Variants in IRX5 observed in about 807,000 individuals in gnomAD.
IRX5 encodes iroquois-class homeodomain protein IRX-5.
Under a neutral mutation model 37.6 loss-of-function variants are expected in IRX5, and 8 were observed. The observed-to-expected ratio is 0.21, with a 90% confidence interval of 0.12 to 0.38. The LOEUF (loss-of-function observed/expected upper bound fraction) is 0.38, where lower values mean the gene tolerates loss of function less well. Ranked by LOEUF, IRX5 falls within the 10% of genes least tolerant of loss-of-function variation. The pLI is 1.00. For missense variants in IRX5, 635 were observed against 695.2 expected, an observed-to-expected ratio of 0.91 and a Z score of 0.97; for synonymous variants, 359 against 328.6, an observed-to-expected ratio of 1.09 and a Z score of -1.00.
At chr16:54,931,544 TC>T in intron 1 of IRX5, 97 bp downstream of exon 1, 1 of 1,390,514 alleles carries the variant, frequency 7.2e-7, no homozygotes, top group Non-Finnish European at 9.4e-7. Flanking sequence ...AACACCGACC[TC>T]CCCCGCCAAG....
intron 1 of IRX5, 74 bp downstream of exon 1, chr16:54,931,521 G>C (rs1596761533): frequency 2.1e-6 from 3 of 1,439,430 alleles, no homozygotes; most frequent in East Asian, 2.5e-5. Context: ...AGGGGGACAC[G>C]GGCCTAGGCG....
Position 54,933,573 on chromosome 16 carries a change from C to G in IRX5, c.1152C>G (p.Arg384=), listed in dbSNP as rs746931412. 6.2e-7 allele frequency: 1 copy of G among 1,608,854 alleles called. No homozygotes were observed. The highest frequency in any genetic ancestry group is 1.1e-5 in the South Asian group (1 of 90,464). Residue 384 remains arginine (R), a synonymous_variant, in exon 3 of 3, where the codon CGC becomes CGG. Transcript: ENST00000394636. ...CGTCGCCGGCCCCGGCGCCGTCACG[C>G]TCGCCCTCGGCGCAGTGTCCTTTTC... is the stretch of plus-strand genomic sequence containing the variant. ...SRASPAPAPS[R]SPSAQCPFPG... is the part of the protein sequence containing the mutation.
rs1277535659 is a variant in IRX5 at position 54,932,023 on chromosome 16, C to T, written c.250-475C>T. 4 of 699,706 alleles carry T rather than the reference C, an allele frequency of 5.7e-6. No homozygotes were observed. The highest frequency in any genetic ancestry group is 1.0e-5 in the Non-Finnish European group (4 of 383,248). The allele number at this position is 699,706 out of a possible 1,614,324, so 43.3% of individuals were successfully genotyped here. ...TTTTTGGAGGGTGGGAGTGCGTGGG[C>T]ATGGCTCAGCTTTTTGTTTGCATTT... On this transcript the variant is annotated intron_variant, in intron 1 of 2. Coordinates refer to ENST00000394636, the MANE Select transcript of IRX5 (RefSeq NM_005853.6). This position sits in a 1 kb window ranked among gnomAD's most constrained non-coding sequence, Gnocchi z 6.7.
At position 54,932,121 on chromosome 16, in the gene IRX5, G is replaced by A. The variant is rs1227527697; in HGVS notation, c.250-377G>A. ...CCCCCCTTGCGCCCAACGTGCGTCC[G>A]CTCCCCCGCCGAGCGCGGAGTCGCC... On this transcript the variant is annotated intron_variant, in intron 1 of 2. Transcript: ENST00000394636. This position sits in a 1 kb window ranked among gnomAD's most constrained non-coding sequence, Gnocchi z 6.7. 24 of 702,668 alleles carry A rather than the reference G, an allele frequency of 3.4e-5. No individual in the cohort carries two copies. The highest frequency in any genetic ancestry group is 2.2e-4 in the Admixed American group (11 of 49,986). 43.5% of individuals were successfully genotyped at this position (702,668 alleles called of 1,614,324 possible).
chr16:54,932,338 C>T lies in IRX5; in HGVS notation c.250-160C>T, dbSNP rs1443527932. On this transcript the variant is annotated intron_variant, in intron 1 of 2. Transcript: ENST00000394636. This position sits in a 1 kb window ranked among gnomAD's most constrained non-coding sequence, Gnocchi z 6.7. ...GCCTTCTGAGGAGGGGGAGGAGTTG[C>T]TCCTAGGTCTGAACCCCGCCAGCCT... The T allele has an allele frequency of 2.5e-6, 2 of 799,400 alleles. No homozygotes were observed. Among genetic ancestry groups the T allele is most frequent in the Non-Finnish European group, 3.9e-6 (2 of 514,842 alleles). 49.5% of individuals were successfully genotyped at this position (799,400 alleles called of 1,614,324 possible).
Position 54,933,436 on chromosome 16 carries a change from G to A in IRX5, c.1015G>A (p.Glu339Lys). The change falls in exon 3 of 3, where the codon GAG becomes AAG. Residue 339 changes from glutamate to lysine, a missense_variant. By Grantham distance (56) the Glu-to-Lys change is moderately conservative (BLOSUM62 1). This residue lies in a region of IRX5 where 3 missense variants were observed against 16.0 expected (regional missense o/e 0.19). Coordinates refer to ENST00000394636, the MANE Select transcript of IRX5 (RefSeq NM_005853.6). ...LAKPKLWSLA[E>K]IATSSDKVKD... ...CAAGCCCAAACTGTGGTCTTTGGCA[G>A]AGATCGCCACATCGTCGGACAAGGT... The A allele has an allele frequency of 1.2e-6, 2 of 1,611,172 alleles. No homozygotes were observed. Among genetic ancestry groups the A allele is most frequent in the Non-Finnish European group, 1.7e-6 (2 of 1,179,276 alleles).
chr16:54,933,072 C>T lies in IRX5; in HGVS notation c.656-5C>T, dbSNP rs760122045. ...CGCCCCTGACAGCCTGGGTTTCGCC[C>T]GCAGGAGGAGCTGAGCAGAAGGCGG... On this transcript the variant is annotated splice_region_variant and splice_polypyrimidine_tract_variant and intron_variant, in intron 2 of 2. Coordinates refer to ENST00000394636, the MANE Select transcript of IRX5 (RefSeq NM_005853.6). The T allele has an allele frequency of 7.5e-6, 12 of 1,599,160 alleles. No homozygotes were observed. The Admixed American group carries it at 2.0e-4, about 27-fold the overall frequency.
In IRX5 at chr16:54,932,281, A is replaced by C. The variant is rs576055448; in HGVS notation, c.250-217A>C. On this transcript the variant is annotated intron_variant, in intron 1 of 2. Coordinates refer to ENST00000394636, the MANE Select transcript of IRX5 (RefSeq NM_005853.6). The surrounding 1 kb of genome is among the most constrained non-coding windows in gnomAD (Gnocchi z 6.7). ...GCCGGGACAGCTTCAGGGGCCCCAGAAGGACCTGACCCAGAAATTGAGGTC... is the reference window on the plus strand; with the variant it reads ...GCCGGGACAGCTTCAGGGGCCCCAGCAGGACCTGACCCAGAAATTGAGGTC... 7.7e-5 allele frequency: 52 copies of C among 671,220 alleles called. No homozygotes were observed. Among genetic ancestry groups the C allele is most frequent in the African/African-American group, 7.1e-4 (39 of 55,250 alleles). The allele number at this position is 671,220 out of a possible 1,614,324, so 41.6% of individuals were successfully genotyped here.
At position 54,933,063 on chromosome 16, in the gene IRX5, G is replaced by C. The variant is rs1194437897; in HGVS notation, c.656-14G>C. 1 of 1,601,054 alleles carries C rather than the reference G, an allele frequency of 6.2e-7. No individual in the cohort carries two copies. The highest frequency in any genetic ancestry group is 8.5e-7 in the Non-Finnish European group (1 of 1,176,978). ...CGGCCTCTGCGCCCCTGACAGCCTG[G>C]GTTTCGCCCGCAGGAGGAGCTGAGC... On this transcript the variant is annotated splice_polypyrimidine_tract_variant and intron_variant, in intron 2 of 2. Transcript: ENST00000394636.
Position 54,931,293 on chromosome 16 carries a change from G to T in IRX5, c.95G>T (p.Arg32Leu), listed in dbSNP as rs1394918873. 4 of 1,612,398 alleles carry T rather than the reference G, an allele frequency of 2.5e-6. No individual in the cohort carries two copies. The highest frequency in any genetic ancestry group is 1.1e-5 in the South Asian group (1 of 91,034). Residue 32 changes from arginine to leucine, a missense_variant, in exon 1 of 3, where the codon CGC becomes CTC. By Grantham distance (102) the Arg-to-Leu change is moderately radical. Transcript: ENST00000394636. ...AYSTSVISGP[R>L]TDELGRSSSG... The stretch of plus-strand genomic sequence containing the variant: ...AGCACCAGCGTCATTTCGGGGCCCC[G>T]CACGGATGAGCTCGGCCGCTCTTCT...
Position 54,932,975 on chromosome 16 carries a change from C to A in IRX5, c.655+72C>A, listed in dbSNP as rs1348274029. ...AAGAGAGGCCTGGAGGGGGCGCGCACGGGGCCTGGAGGTTGGGGGCAGGGG... is the reference window on the plus strand; with the variant it reads ...AAGAGAGGCCTGGAGGGGGCGCGCAAGGGGCCTGGAGGTTGGGGGCAGGGG... On this transcript the variant is annotated intron_variant, in intron 2 of 2. Coordinates refer to ENST00000394636, the MANE Select transcript of IRX5 (RefSeq NM_005853.6). The surrounding 1 kb of genome is among the most constrained non-coding windows in gnomAD (Gnocchi z 6.7). The A allele has an allele frequency of 1.3e-6, 2 of 1,584,948 alleles. No homozygotes were observed. The highest frequency in any genetic ancestry group is 1.4e-5 in the African/African-American group (1 of 73,464).
chr16:54,931,957 G>C (rs983292672), intron 1 of IRX5: 1 of 638,552 alleles, frequency 1.6e-6, no homozygotes, highest in Non-Finnish European at 2.8e-6. Flanking sequence ...CGGTGCATCC[G>C]GGATTTTTCG....
In IRX5 at chr16:54,933,131, C is replaced by T; in HGVS notation, c.710C>T (p.Thr237Ile). Reference sequence around the variant, plus strand: ...TGCGAACGGCTTCAGGGACCACCCACCCCTGCAGGCAAGGAGACGGAGGGC... The same window carrying T: ...TGCGAACGGCTTCAGGGACCACCCATCCCTGCAGGCAAGGAGACGGAGGGC... Reference protein sequence around the residue: ...SGCERLQGPPTPAGKETEGSL... With the variant: ...SGCERLQGPPIPAGKETEGSL... The change falls in exon 3 of 3, where the codon ACC becomes ATC. Residue 237 changes from threonine to isoleucine, a missense_variant. Physicochemically the swap from Thr to Ile is moderately conservative, Grantham distance 89 (BLOSUM62 -1). Around this residue, in one of 5 missense-constraint regions of IRX5, gnomAD observed 244 missense variants for 205.4 expected, o/e 1.19. Coordinates refer to ENST00000394636, the MANE Select transcript of IRX5 (RefSeq NM_005853.6). The T allele has an allele frequency of 1.9e-6, 3 of 1,586,364 alleles. No homozygotes were observed. Among genetic ancestry groups the T allele is most frequent in the Non-Finnish European group, 2.6e-6 (3 of 1,173,038 alleles).
intron 1 of IRX5, chr16:54,931,951 G>C (rs764330667): frequency 1.6e-6 from 1 of 632,466 alleles, no homozygotes; most frequent in Non-Finnish European, 2.9e-6. Flanking sequence ...GAGCTGCGGT[G>C]CATCCGGGAT....
Position 54,933,690 on chromosome 16 carries a change from C to T in IRX5, c.1269C>T (p.Gly423=), listed in dbSNP as rs1427932055. Residue 423 remains glycine, a synonymous_variant, in exon 3 of 3, where the codon GGC becomes GGT. Transcript: ENST00000394636. ...TNYGSFGHLH[G]HPGPGPGPTT... is the part of the protein sequence containing the mutation. ...ATGGCTCCTTCGGACACCTTCATGG[C>T]CACCCGGGGCCCGGGCCAGGCCCCA... 3.1e-6 allele frequency: 5 copies of T among 1,613,532 alleles called. No individual in the cohort carries two copies. In the African/African-American group the frequency reaches 5.3e-5, roughly 17 times the overall value.
Position 54,933,073 on chromosome 16 carries a change from G to C in IRX5, c.656-4G>C. ...GCCCCTGACAGCCTGGGTTTCGCCC[G>C]CAGGAGGAGCTGAGCAGAAGGCGGC... On this transcript the variant is annotated splice_region_variant and splice_polypyrimidine_tract_variant and intron_variant, in intron 2 of 2. Coordinates refer to ENST00000394636, the MANE Select transcript of IRX5 (RefSeq NM_005853.6). 6.3e-7 allele frequency: 1 copy of C among 1,598,332 alleles called. No individual in the cohort carries two copies. Among genetic ancestry groups the C allele is most frequent in the Non-Finnish European group, 8.5e-7 (1 of 1,176,044 alleles).
Position 54,933,277 on chromosome 16 carries a change from G to T in IRX5, c.856G>T (p.Asp286Tyr), listed in dbSNP as rs1217919612. ...AGPAAARLAEDPAPHYPAGAP... is the reference protein window; with the variant it reads ...AGPAAARLAEYPAPHYPAGAP... ...GCCAGCGGCGGCGCGGCTGGCGGAGGACCCGGCCCCTCACTACCCCGCCGG... is the reference window on the plus strand; with the variant it reads ...GCCAGCGGCGGCGCGGCTGGCGGAGTACCCGGCCCCTCACTACCCCGCCGG... Residue 286 changes from aspartate (D) to tyrosine (Y), a missense_variant, in exon 3 of 3, where the codon GAC becomes TAC. Asp to Tyr is a radical substitution (Grantham distance 160). Coordinates refer to ENST00000394636, the MANE Select transcript of IRX5 (RefSeq NM_005853.6). 7.5e-7 allele frequency: 1 copy of T among 1,338,648 alleles called. No homozygotes were observed. The highest frequency in any genetic ancestry group is 4.1e-5 in the Admixed American group (1 of 24,520). 82.9% of individuals were successfully genotyped at this position (1,338,648 alleles called of 1,614,324 possible). A position where few individuals can be genotyped will look rare whatever the true frequency, so the allele number is the denominator to read the frequency against.
chr16:54,933,285 C>T lies in IRX5; in HGVS notation c.864C>T (p.Ala288=). 1 of 1,357,160 alleles carries T rather than the reference C, an allele frequency of 7.4e-7. No individual in the cohort carries two copies. Among genetic ancestry groups the T allele is most frequent in the Non-Finnish European group, 9.4e-7 (1 of 1,063,674 alleles). The allele number at this position is 1,357,160 out of a possible 1,614,324, so 84.1% of individuals were successfully genotyped here. A position where few individuals can be genotyped will look rare whatever the true frequency, so the allele number is the denominator to read the frequency against. ...CGGCGCGGCTGGCGGAGGACCCGGCCCCTCACTACCCCGCCGGAGCGCCGG... is the reference window on the plus strand; with the variant it reads ...CGGCGCGGCTGGCGGAGGACCCGGCTCCTCACTACCCCGCCGGAGCGCCGG... ...PAAARLAEDP[A]PHYPAGAPAP... Residue 288 remains alanine, a synonymous_variant, in exon 3 of 3, where the codon GCC becomes GCT. Coordinates refer to ENST00000394636, the MANE Select transcript of IRX5 (RefSeq NM_005853.6).
In IRX5 at chr16:54,932,444, C is replaced by T; in HGVS notation, c.250-54C>T. ...CAGGGAAAAGGGTGCTTCGGTCGTT[C>T]CGATGGCAGTGGAGACCACGGTCCA... is the stretch of plus-strand genomic sequence containing the variant. On this transcript the variant is annotated intron_variant, in intron 1 of 2. Transcript: ENST00000394636. This position sits in a 1 kb window ranked among gnomAD's most constrained non-coding sequence, Gnocchi z 6.7. The T allele has an allele frequency of 1.3e-6, 2 of 1,542,076 alleles. No homozygotes were observed. Among genetic ancestry groups the T allele is most frequent in the South Asian group, 1.3e-5 (1 of 79,890 alleles).
Sources: allele counts gnomAD v4.1 joint callset, GRCh38; gene constraint gnomAD v4.1.1; regional missense constraint gnomAD v4.1.1; non-coding constraint Gnocchi (gnomAD v3.1); transcripts MANE v1.5; gene names NCBI Gene and HGNC (gene_info 2026-07-23, HGNC 2026-07-21).